Variants in CAMK4 observed in about 807,000 individuals in gnomAD.
The protein encoded by CAMK4 is calcium/calmodulin-dependent protein kinase type IV.
Under a neutral mutation model 44.9 loss-of-function variants are expected in CAMK4, and 22 were observed. The ratio of observed to expected loss-of-function variants is 0.49; its 90% CI spans 0.35 to 0.70. The LOEUF is 0.70. CAMK4 is among the 30% of genes least tolerant of loss of function. The pLI is 0.01. For synonymous variants in CAMK4, 218 were observed against 215.4 expected, an observed-to-expected ratio of 1.01 and a Z score of -0.11; for missense variants, 498 against 586.8, an observed-to-expected ratio of 0.85 and a Z score of 1.56.
chr5:111,432,333 GA>G (rs1753478105), intron 5 of CAMK4, among the ~76,000 whole-genome samples: 1 of 152,082 alleles, frequency 6.6e-6, no homozygotes, highest in Non-Finnish European at 1.5e-5. Flanking sequence ...ATAGAGAGTA[GA>G]AGGATGGTTA....
chr5:111,330,502 TTTG>T (rs138320661), intron 1 of CAMK4, among the ~76,000 whole-genome samples: 74,778 of 150,758 alleles, frequency 0.5, 19,230 homozygotes, highest in African/African-American at 0.63. Context: ...TGTTTGGTTT[TTTG>T]TTGTTGTTGT....
At chr5:111,257,334 G>A (rs180786733) in intron 1 of CAMK4, among the ~76,000 whole-genome samples, 33 of 152,214 alleles carry the variant, frequency 2.2e-4, no homozygotes, top group African/African-American at 5.8e-4. Context: ...AAAAGTGGGC[G>A]AAGGACATGA....
intron 1 of CAMK4, among the ~76,000 whole-genome samples, chr5:111,300,546 T>C (rs906053812): frequency 2.0e-5 from 3 of 152,352 alleles, no homozygotes; most frequent in African/African-American, 7.2e-5. Flanking sequence ...TCTCCTTTTT[T>C]GTTAAAATGT....
intron 1 of CAMK4, among the ~76,000 whole-genome samples, chr5:111,248,519 G>GAA (rs111654091): frequency 0.27 from 40,011 of 147,668 alleles, 5,274 homozygotes; most frequent in South Asian, 0.41. Context: ...AACAAGTCAT[G>GAA]AAAAAAAAAA....
At chr5:111,422,350 A>G (rs896984480) in intron 5 of CAMK4, among the ~76,000 whole-genome samples, 12 of 152,212 alleles carry the variant, frequency 7.9e-5, no homozygotes, top group Admixed American at 6.5e-4. Flanking sequence ...GAAAGTAGAA[A>G]TAGTATTTCC....
intron 7 of CAMK4, among the ~76,000 whole-genome samples, chr5:111,468,569 G>C (rs1021054923): frequency 6.6e-6 from 1 of 152,166 alleles, no homozygotes; most frequent in African/African-American, 2.4e-5. Context: ...TGAAGCTGGG[G>C]TGCTAGAGCC....
chr5:111,232,152 G>A (rs1336500933), intron 1 of CAMK4, among the ~76,000 whole-genome samples: 1 of 152,118 alleles, frequency 6.6e-6, no homozygotes, highest in Non-Finnish European at 1.5e-5. Flanking sequence ...GTGTGCATGT[G>A]GTGGGGTAAG....
At chr5:111,476,239 TTGTGTGTGTG>T (rs5870455) in intron 8 of CAMK4, among the ~76,000 whole-genome samples, 10 of 132,874 alleles carry the variant, frequency 7.5e-5, no homozygotes, top group South Asian at 2.3e-4. Flanking sequence ...CTTTGCTTCT[TTGTGTGTGTG>T]TGTGTGTGTG....
At chr5:111,292,119 C>A (rs902553763) in intron 1 of CAMK4, among the ~76,000 whole-genome samples, 11 of 152,216 alleles carry the variant, frequency 7.2e-5, no homozygotes, top group African/African-American at 2.6e-4. Flanking sequence ...AAATGCATAA[C>A]CTAGGTGATG....
chr5:111,482,806 G>C lies in CAMK4; in HGVS notation c.850G>C (p.Asp284His), dbSNP rs143584280. 2.5e-6 allele frequency: 4 copies of C among 1,608,356 alleles called. No individual in the cohort carries two copies. The Admixed American group carries it at 5.1e-5, about 21-fold the overall frequency. ...TCAGGTCAGAAAATTAATTGTTTTG[G>C]ATCCAAAGAAACGGCTGACTACATT... ...KDLVRKLIVL[D>H]PKKRLTTFQA... Residue 284 changes from aspartate to histidine, a missense_variant, in exon 10 of 11, where the codon GAT (aspartate) becomes CAT (histidine). Coordinates refer to ENST00000282356, the MANE Select transcript of CAMK4 (RefSeq NM_001744.6). This position sits in a 1 kb window ranked among gnomAD's most constrained non-coding sequence, Gnocchi z 4.9.
At chr5:111,479,929 C>G (rs1580809114) in intron 9 of CAMK4, among the ~76,000 whole-genome samples, 1 of 152,092 alleles carries the variant, frequency 6.6e-6, no homozygotes, top group African/African-American at 2.4e-5. Context: ...CTTCTCATGC[C>G]TTTCTCAAAT....
chr5:111,302,072 G>C (rs561352482), intron 1 of CAMK4: 11 of 152,230 alleles, frequency 7.2e-5, no homozygotes, highest in African/African-American at 2.6e-4. Context: ...AAGCCTTTCA[G>C]CTACCATTGG....
In CAMK4 at chr5:111,490,975, G is replaced by T. The variant is rs1216669154; in HGVS notation, c.*6509G>T. The stretch of plus-strand genomic sequence containing the variant: ...GTTTAGGTGATTTCTTATGCCCAAT[G>T]AACTAAAGGTATCAGTAAAAGATTA... On this transcript the variant is annotated 3_prime_UTR_variant, in exon 11 of 11. Transcript: ENST00000282356. The T allele has an allele frequency of 6.6e-6, 1 of 152,124 alleles. No individual in the cohort carries two copies. The highest frequency in any genetic ancestry group is 1.5e-5 in the Non-Finnish European group (1 of 68,024). The allele number at this position is 152,124 out of a possible 1,614,324, so 9.4% of individuals were successfully genotyped here. A position where few individuals can be genotyped will look rare whatever the true frequency, so the allele number is the denominator to read the frequency against.
chr5:111,298,990 C>G (rs1480203796), intron 1 of CAMK4, among the ~76,000 whole-genome samples: 1 of 152,220 alleles, frequency 6.6e-6, no homozygotes, highest in Non-Finnish European at 1.5e-5. Flanking sequence ...GCTGGGCCCT[C>G]AGTCATAAGT....
intron 7 of CAMK4, among the ~76,000 whole-genome samples, chr5:111,456,438 C>T (rs1754419326): frequency 6.6e-6 from 1 of 151,878 alleles, no homozygotes; most frequent in Non-Finnish European, 1.5e-5. Flanking sequence ...TTGCAGTGAG[C>T]CGAGATAGCG....
chr5:111,356,154 T>C (rs1750343182), intron 2 of CAMK4, among the ~76,000 whole-genome samples: 1 of 145,288 alleles, frequency 6.9e-6, no homozygotes, highest in Non-Finnish European at 1.5e-5. Context: ...CCACATCCTC[T>C]CCAGCACCTG....
chr5:111,324,722 T>C (rs1461108382), intron 1 of CAMK4, among the ~76,000 whole-genome samples: 1 of 152,084 alleles, frequency 6.6e-6, no homozygotes, highest in African/African-American at 2.4e-5. Flanking sequence ...GAACATCAGA[T>C]TAAATAACTG....
At chr5:111,415,576 G>A (rs1752786391) in intron 5 of CAMK4, among the ~76,000 whole-genome samples, 1 of 152,176 alleles carries the variant, frequency 6.6e-6, no homozygotes, top group Non-Finnish European at 1.5e-5. Context: ...AGAAATTCGT[G>A]CATAGCATAT....
In CAMK4 at chr5:111,494,372, C is replaced by T. The variant is rs966880395; in HGVS notation, c.*9906C>T. On this transcript the variant is annotated 3_prime_UTR_variant, in exon 11 of 11. Coordinates refer to ENST00000282356, the MANE Select transcript of CAMK4 (RefSeq NM_001744.6). Reference sequence around the variant, plus strand: ...GACTACTTAATACAAAGATATATTACAATATTTTTAGGTAAATGTATTAAG... The same window carrying T: ...GACTACTTAATACAAAGATATATTATAATATTTTTAGGTAAATGTATTAAG... The T allele has an allele frequency of 6.6e-6, 1 of 152,142 alleles. No individual in the cohort carries two copies. Among genetic ancestry groups the T allele is most frequent in the African/African-American group, 2.4e-5 (1 of 41,436 alleles). The allele number at this position is 152,142 out of a possible 1,614,324, so 9.4% of individuals were successfully genotyped here.
Sources: gnomAD v4.1 joint callset for allele counts (sites outside exome capture counted in the v4.1 genomes callset) on GRCh38, gnomAD v4.1.1 for gene constraint, Gnocchi (gnomAD v3.1) non-coding constraint, MANE v1.5 for transcripts, NCBI Gene and HGNC (gene_info 2026-07-23, HGNC 2026-07-21) for gene names.